Variants in HNRNPLL observed in about 807,000 individuals in gnomAD.
HNRNPLL encodes heterogeneous nuclear ribonucleoprotein L like, also known as heterogeneous nuclear ribonucleoprotein L-like.
HNRNPLL carries 25 observed loss-of-function variants against 67.1 expected under a neutral mutation model. The ratio of observed to expected loss-of-function variants is 0.37; its 90% CI spans 0.27 to 0.52. HNRNPLL has a LOEUF of 0.52. Among genes scored for constraint, HNRNPLL ranks in the 20% least tolerant of loss-of-function variants. The probability of loss-of-function intolerance (pLI) is 0.90; values close to 1 mark genes in which losing one functional copy is unlikely to be tolerated. For synonymous variants in HNRNPLL, 267 were observed against 241.7 expected (o/e 1.10, Z -0.97); for missense variants, 542 against 673.9 (o/e 0.80, Z 2.17).
Position 38,583,921 on chromosome 2 carries a change from A to G in HNRNPLL, c.552T>C (p.Val184=), listed in dbSNP as rs564266056. 8 of 1,431,116 alleles carry G rather than the reference A, an allele frequency of 5.6e-6. No homozygotes were observed. In the South Asian group the frequency reaches 9.4e-5, roughly 17 times the overall value. 88.7% of individuals were successfully genotyped at this position (1,431,116 alleles called of 1,614,324 possible). Residue 184 remains valine (V), a synonymous_variant, in exon 4 of 13, where the codon GTT becomes GTC. Coordinates refer to ENST00000449105, the MANE Select transcript of HNRNPLL (RefSeq NM_138394.4). The part of the protein sequence containing the change: ...QNPLYPITVD[V]LYTVCNPVGK... ...CAACAGGGTTGCATACAGTATATAAAACATCCTATGAAGGAAAAGAAAAAG... is the reference window on the plus strand; with the variant it reads ...CAACAGGGTTGCATACAGTATATAAGACATCCTATGAAGGAAAAGAAAAAG...
In HNRNPLL at chr2:38,602,594, C is replaced by A; in HGVS notation, c.33G>T (p.Thr11=). The A allele has an allele frequency of 6.4e-7, 1 of 1,571,644 alleles. No individual in the cohort carries two copies. Among genetic ancestry groups the A allele is most frequent in the Non-Finnish European group, 8.6e-7 (1 of 1,161,326 alleles). Residue 11 remains threonine (T), a synonymous_variant, in exon 1 of 13, where the codon ACG becomes ACT. Transcript: ENST00000449105. MSSSSSSPRE[T]YEEDREYESQ... is the part of the protein sequence containing the mutation. ...TCTCGTACTCCCGGTCCTCCTCGTA[C>A]GTCTCCCTGGGGGAGGAAGAGGAGG...
chr2:38,593,538 AAGTT>A (rs1181765385), intron 1 of HNRNPLL, among the ~76,000 whole-genome samples: 8 of 152,190 alleles, frequency 5.3e-5, no homozygotes, highest in African/African-American at 1.9e-4. Flanking sequence ...ACTCTTCAAA[AAGTT>A]AGTATCAAAA....
At chr2:38,585,493 C>T in intron 3 of HNRNPLL, 151 bp downstream of exon 3, 4 of 598,662 alleles carry the variant, frequency 6.7e-6, no homozygotes, top group Middle Eastern at 4.5e-4. Context: ...AGCATTTTTT[C>T]TTTGTTCATT....
At position 38,564,020 on chromosome 2, in the gene HNRNPLL, G is replaced by T. The variant is rs1000120394; in HGVS notation, c.*162C>A. On this transcript the variant is annotated 3_prime_UTR_variant, in exon 13 of 13. Transcript: ENST00000449105. Reference sequence around the variant, plus strand: ...AAAATGAAAACAATTCAATATTTAAGCTTACAACAAATTTACTCAAGGCAA... The same window carrying T: ...AAAATGAAAACAATTCAATATTTAATCTTACAACAAATTTACTCAAGGCAA... The T allele has an allele frequency of 3.4e-6, 2 of 590,418 alleles. No homozygotes were observed. The highest frequency in any genetic ancestry group is 6.1e-6 in the Non-Finnish European group (2 of 329,504). 36.6% of individuals were successfully genotyped at this position (590,418 alleles called of 1,614,324 possible).
intron 1 of HNRNPLL, among the ~76,000 whole-genome samples, chr2:38,595,376 C>T (rs888636387): frequency 6.6e-6 from 1 of 150,862 alleles, no homozygotes; most frequent in Admixed American, 6.6e-5. Flanking sequence ...TAGGTAACCA[C>T]TATCATGAGT....
rs1666630255 is a variant in HNRNPLL, at chr2:38,583,943, A to G, written c.547-17T>C. 8.3e-7 allele frequency: 1 copy of G among 1,202,170 alleles called. No homozygotes were observed. The highest frequency in any genetic ancestry group is 1.2e-6 in the Non-Finnish European group (1 of 852,928). 74.5% of individuals were successfully genotyped at this position (1,202,170 alleles called of 1,614,324 possible). ...TAAAACATCCTATGAAGGAAAAGAA[A>G]AAGATTTCTTCACACTTTACATCTG... On this transcript the variant is annotated splice_polypyrimidine_tract_variant and intron_variant, in intron 3 of 12. Transcript: ENST00000449105.
intron 2 of HNRNPLL, among the ~76,000 whole-genome samples, chr2:38,590,331 A>G (rs1384899044): frequency 6.6e-6 from 1 of 152,176 alleles, no homozygotes. Flanking sequence ...TTTCCTCTCA[A>G]TACTCAAATA....
intron 1 of HNRNPLL, among the ~76,000 whole-genome samples, chr2:38,596,385 A>C (rs1002543454): frequency 1.3e-5 from 2 of 151,792 alleles, no homozygotes; most frequent in Non-Finnish European, 2.9e-5. Flanking sequence ...CAGCCTCCCG[A>C]CTAGCTGGGA....
At position 38,583,141 on chromosome 2, in the gene HNRNPLL, C is replaced by T. The variant is rs909197894; in HGVS notation, c.632+700G>A. ...TCTGAGAAGGCATAGTTTTATAATACTCTATCTAAAATTTTATCAGTTTTT... is the reference window on the plus strand; with the variant it reads ...TCTGAGAAGGCATAGTTTTATAATATTCTATCTAAAATTTTATCAGTTTTT... On this transcript the variant is annotated intron_variant, in intron 4 of 12. Coordinates refer to ENST00000449105, the MANE Select transcript of HNRNPLL (RefSeq NM_138394.4). 3.3e-5 allele frequency among the ~76,000 whole-genome samples: 5 copies of T among 151,978 alleles called. No individual in the cohort carries two copies. In the South Asian group the frequency reaches 8.3e-4, roughly 25 times the overall value.
At chr2:38,573,817 C>A (rs959466260) in intron 7 of HNRNPLL, among the ~76,000 whole-genome samples, 1 of 151,740 alleles carries the variant, frequency 6.6e-6, no homozygotes, top group Non-Finnish European at 1.5e-5. Flanking sequence ...AATAATATTA[C>A]ATGTACAGTG....
chr2:38,589,253 T>G (rs535393788), intron 2 of HNRNPLL, among the ~76,000 whole-genome samples: 71 of 152,360 alleles, frequency 4.7e-4, no homozygotes, highest in African/African-American at 1.7e-3. Context: ...GCTTCTTACC[T>G]ATGCATCTAG....
At chr2:38,590,877 C>T (rs1463420313) in intron 2 of HNRNPLL, among the ~76,000 whole-genome samples, 1 of 152,050 alleles carries the variant, frequency 6.6e-6, no homozygotes, top group African/African-American at 2.4e-5. Context: ...TAGTGACATG[C>T]GTCTATAGTC....
intron 6 of HNRNPLL, among the ~76,000 whole-genome samples, chr2:38,580,002 T>C (rs1344423632): frequency 1.3e-5 from 2 of 152,194 alleles, no homozygotes; most frequent in Non-Finnish European, 2.9e-5. Flanking sequence ...TCTAAACTTA[T>C]CTGACTAGAA....
intron 1 of HNRNPLL, among the ~76,000 whole-genome samples, chr2:38,601,152 A>G (rs188442745): frequency 1.3e-5 from 2 of 152,378 alleles, no homozygotes; most frequent in Admixed American, 6.5e-5. Flanking sequence ...TACATTTTGA[A>G]TATTTCAAAT....
intron 9 of HNRNPLL, 50 bp downstream of exon 9, chr2:38,569,753 CA>C: frequency 9.8e-7 from 1 of 1,025,568 alleles, no homozygotes; most frequent in Non-Finnish European, 1.4e-6. Flanking sequence ...ATAAAAAGGA[CA>C]AAGATTTTTA....
Position 38,586,062 on chromosome 2 carries a change from C to T in HNRNPLL, c.309-181G>A, listed in dbSNP as rs144825097. On this transcript the variant is annotated intron_variant, in intron 2 of 12. Coordinates refer to ENST00000449105, the MANE Select transcript of HNRNPLL (RefSeq NM_138394.4). ...TTTGAGACGGAGTCTTTCTCTGTCGCCCAGGCTGGAGTGCAGTGGCGCAAT... is the reference window on the plus strand; with the variant it reads ...TTTGAGACGGAGTCTTTCTCTGTCGTCCAGGCTGGAGTGCAGTGGCGCAAT... Among the ~76,000 whole-genome samples, 69 of 151,432 alleles carry T rather than the reference C, an allele frequency of 4.6e-4. 3 individuals carry two copies. In the East Asian group the frequency reaches 0.013, roughly 29 times the overall value.
rs1006035728 is a variant in HNRNPLL at position 38,562,490 on chromosome 2, C to T, written c.*1692G>A. On this transcript the variant is annotated 3_prime_UTR_variant, in exon 13 of 13. Transcript: ENST00000449105. ...CATTAATTTTCAGAGGAGGAAGGAA[C>T]GTAGACAACTATTACATAAACCAAA... The T allele has an allele frequency of 6.6e-6, 1 of 151,920 alleles. No individual in the cohort carries two copies. Among genetic ancestry groups the T allele is most frequent in the Non-Finnish European group, 1.5e-5 (1 of 67,970 alleles). The allele number at this position is 151,920 out of a possible 1,614,324, so 9.4% of individuals were successfully genotyped here.
chr2:38,572,851 T>C (rs1666146022), intron 8 of HNRNPLL, among the ~76,000 whole-genome samples: 1 of 151,988 alleles, frequency 6.6e-6, no homozygotes, highest in Non-Finnish European at 1.5e-5. Context: ...TGTTTTTATA[T>C]ATACCCTCCA....
At chr2:38,568,069 G>C (rs1558528947) in intron 12 of HNRNPLL, 130 bp downstream of exon 12, 3 of 606,536 alleles carry the variant, frequency 4.9e-6, no homozygotes, top group Non-Finnish European at 8.6e-6. Flanking sequence ...GAATTAATAT[G>C]CCTTTCTTTT....
Sources: allele counts gnomAD v4.1 joint callset (sites outside exome capture counted in the v4.1 genomes callset), GRCh38; gene constraint gnomAD v4.1.1; transcripts MANE v1.5; gene names NCBI Gene and HGNC (gene_info 2026-07-23, HGNC 2026-07-21).